SLC30A10: variants seen among roughly 807,000 people sequenced by gnomAD.
The protein encoded by SLC30A10 is calcium/manganese antiporter SLC30A10.
SLC30A10 carries 8 observed loss-of-function variants against 21.7 expected under a neutral mutation model. The ratio of observed to expected loss-of-function variants is 0.37; its 90% CI spans 0.22 to 0.67. SLC30A10 has a LOEUF of 0.67. Among genes scored for constraint, SLC30A10 ranks in the 30% least tolerant of loss-of-function variants. SLC30A10 has a pLI of 0.58. For synonymous variants in SLC30A10, 272 were observed against 279.4 expected (o/e 0.97, Z 0.26); for missense variants, 521 against 642.5 (o/e 0.81, Z 2.04).
chr1:219,951,071 C>T (rs1660261769), intron 1 of SLC30A10, among the ~76,000 whole-genome samples: 1 of 152,140 alleles, frequency 6.6e-6, no homozygotes. Context: ...GGTGATCCTC[C>T]CACCTCAGCT....
chr1:219,951,271 T>A (rs1276898955), intron 1 of SLC30A10, among the ~76,000 whole-genome samples: 3 of 151,562 alleles, frequency 2.0e-5, no homozygotes, highest in Non-Finnish European at 4.4e-5. Flanking sequence ...GTAGAGTGAT[T>A]CTTTAAAATA....
At chr1:219,925,651 A>ATATATATT (rs1317554458) in intron 2 of SLC30A10, among the ~76,000 whole-genome samples, 7 of 48,286 alleles carry the variant, frequency 1.4e-4, no homozygotes, top group African/African-American at 7.0e-4. Flanking sequence ...ATATATATAT[A>ATATATATT]TTTTTTTTTT....
In SLC30A10 at chr1:219,916,025, C is replaced by G; in HGVS notation, c.959-77G>C. 5 of 1,527,094 alleles carry G rather than the reference C, an allele frequency of 3.3e-6. No homozygotes were observed. In the South Asian group the frequency reaches 6.4e-5, roughly 19 times the overall value. 94.6% of individuals were successfully genotyped at this position (1,527,094 alleles called of 1,614,324 possible). A position where few individuals can be genotyped will look rare whatever the true frequency, so the allele number is the denominator to read the frequency against. ...ATGGAACTACAGGAGGGATATGGTT[C>G]CGTTAAGCATTCTCACCAAAATGGC... On this transcript the variant is annotated intron_variant, in intron 3 of 3. Coordinates refer to ENST00000366926, the MANE Select transcript of SLC30A10 (RefSeq NM_018713.3).
chr1:219,941,428 T>C, intron 1 of SLC30A10, among the ~76,000 whole-genome samples: 1 of 152,176 alleles, frequency 6.6e-6, no homozygotes, highest in Non-Finnish European at 1.5e-5. Flanking sequence ...TGCCCAAGTG[T>C]AGACAGAGCC....
chr1:219,944,253 T>G (rs1571811417), intron 1 of SLC30A10, among the ~76,000 whole-genome samples: 1 of 148,210 alleles, frequency 6.7e-6, no homozygotes. Context: ...GGAGACCATC[T>G]TGGCTAACAC....
rs1659401231 is a variant in SLC30A10, at chr1:219,911,149, G to GTTTTTTTTTGT, written c.*4299_*4300insACAAAAAAAAA. 6.1e-5 allele frequency among the ~76,000 whole-genome samples: 3 copies of GTTTTTTTTTGT among 49,402 alleles called. No homozygotes were observed. The highest frequency in any genetic ancestry group is 1.3e-4 in the Non-Finnish European group (3 of 22,436). 32.4% of individuals were successfully genotyped at this position (49,402 alleles called of 152,430 possible). A position where few individuals can be genotyped will look rare whatever the true frequency, so the allele number is the denominator to read the frequency against. On this transcript the variant is annotated 3_prime_UTR_variant, in exon 4 of 4. Coordinates refer to ENST00000366926, the MANE Select transcript of SLC30A10 (RefSeq NM_018713.3). ...ATGTTTCTTCATTTTTTCTACATCA[G>GTTTTTTTTTGT]TTTTTTTTTTTTTTTTTTTTTTTTT... is the stretch of plus-strand genomic sequence containing the variant.
chr1:219,954,138 C>T (rs1054971810), intron 1 of SLC30A10, among the ~76,000 whole-genome samples: 5 of 151,984 alleles, frequency 3.3e-5, no homozygotes, highest in Admixed American at 3.3e-4. Flanking sequence ...CAAAAGGAAA[C>T]CTGACTTGTT....
upstream of SLC30A10, among the ~76,000 whole-genome samples, chr1:219,932,918 G>C (rs932429028): frequency 6.7e-6 from 1 of 150,330 alleles, no homozygotes; most frequent in Non-Finnish European, 1.5e-5. Flanking sequence ...AAAATTAACC[G>C]GGCGTGGTGG....
chr1:219,927,320 C>T (rs1659851786), intron 1 of SLC30A10, among the ~76,000 whole-genome samples: 1 of 151,968 alleles, frequency 6.6e-6, no homozygotes, highest in African/African-American at 2.4e-5. Context: ...CAAGTTAAAA[C>T]AAAAAGAGGG....
At position 219,915,725 on chromosome 1, in the gene SLC30A10, C is replaced by T. The variant is rs370815252; in HGVS notation, c.1182G>A (p.Lys394=). 3.3e-5 allele frequency: 54 copies of T among 1,614,204 alleles called. No homozygotes were observed. In the African/African-American group the frequency reaches 6.9e-4, roughly 21 times the overall value. ...NVDLKEPLEQ[K]DLLLLCNSPC... The stretch of plus-strand genomic sequence containing the variant: ...GTGAGTTGCAGAGCAACAGTAAGTC[C>T]TTCTGCTCCAGGGGTTCCTTCAAGT... Residue 394 remains lysine (K), a synonymous_variant, in exon 4 of 4, where the codon AAG becomes AAA. Coordinates refer to ENST00000366926, the MANE Select transcript of SLC30A10 (RefSeq NM_018713.3).
At chr1:219,956,922 T>G (rs1035933646) in intron 1 of SLC30A10, among the ~76,000 whole-genome samples, 2 of 152,168 alleles carry the variant, frequency 1.3e-5, no homozygotes, top group Non-Finnish European at 2.9e-5. Context: ...ATGTTGTATG[T>G]CAAGAATGAA....
chr1:219,912,412 T>C lies in SLC30A10; in HGVS notation c.*3037A>G, dbSNP rs80355739. Among the ~76,000 whole-genome samples, 647 of 152,186 alleles carry C rather than the reference T, an allele frequency of 4.3e-3. 6 individuals are homozygous for C. Among genetic ancestry groups the C allele is most frequent in the African/African-American group, 0.015 (615 of 41,520 alleles). The stretch of plus-strand genomic sequence containing the variant: ...AGACAGTATTTCCTATGGCCAATGC[T>C]AAAATAATGTGGAAAGGACTGTTTC... On this transcript the variant is annotated 3_prime_UTR_variant, in exon 4 of 4. Coordinates refer to ENST00000366926, the MANE Select transcript of SLC30A10 (RefSeq NM_018713.3).
At chr1:219,958,173 T>A (rs565438357) in intron 1 of SLC30A10, among the ~76,000 whole-genome samples, 1 of 138,984 alleles carries the variant, frequency 7.2e-6, no homozygotes, top group Non-Finnish European at 1.5e-5. Flanking sequence ...GACATTAACT[T>A]TTTTTTAAAT....
chr1:219,921,391 G>T (rs1481362794), intron 2 of SLC30A10, among the ~76,000 whole-genome samples: 1 of 152,154 alleles, frequency 6.6e-6, no homozygotes, highest in Non-Finnish European at 1.5e-5. Flanking sequence ...GTTAACTGGG[G>T]ATATCAATCT....
At chr1:219,921,451 A>C (rs1278040289) in intron 2 of SLC30A10, among the ~76,000 whole-genome samples, 1 of 152,224 alleles carries the variant, frequency 6.6e-6, no homozygotes, top group African/African-American at 2.4e-5. Context: ...TGTAAGTTCT[A>C]AAATTCAATT....
chr1:219,955,050 A>G (rs1340834538), intron 1 of SLC30A10, among the ~76,000 whole-genome samples: 1 of 152,206 alleles, frequency 6.6e-6, no homozygotes, highest in African/African-American at 2.4e-5. Context: ...ATCAAGGAAA[A>G]TCAAATAAAG....
rs1659431395 is a variant in SLC30A10 at position 219,912,253 on chromosome 1, T to C, written c.*3196A>G. Among the ~76,000 whole-genome samples the C allele has an allele frequency of 6.6e-6, 1 of 151,752 alleles. No individual in the cohort carries two copies. The highest frequency in any genetic ancestry group is 2.4e-5 in the African/African-American group (1 of 41,320). The stretch of plus-strand genomic sequence containing the variant: ...CCTCAAATAATGTCTCCCTACTTTA[T>C]TGACATTTTATCAAGAAGAGAGTAA... On this transcript the variant is annotated 3_prime_UTR_variant, in exon 4 of 4. Transcript: ENST00000366926.
At chr1:219,925,186 C>G (rs1654018728) in intron 2 of SLC30A10, among the ~76,000 whole-genome samples, 1 of 152,188 alleles carries the variant, frequency 6.6e-6, no homozygotes, top group Non-Finnish European at 1.5e-5. Context: ...TACTCTTCTT[C>G]TTCTTTGCAT....
At chr1:219,931,448 A>T (rs1659969319), upstream of SLC30A10, among the ~76,000 whole-genome samples, 1 of 150,872 alleles carries the variant, frequency 6.6e-6, no homozygotes, top group Non-Finnish European at 1.5e-5. Context: ...CACACAGTAT[A>T]TATAAAGTTA....
Sources: allele counts gnomAD v4.1 joint callset (sites outside exome capture counted in the v4.1 genomes callset), GRCh38; gene constraint gnomAD v4.1.1; transcripts MANE v1.5; gene names NCBI Gene and HGNC (gene_info 2026-07-23, HGNC 2026-07-21).